NLRP1: variants seen among roughly 807,000 people sequenced by gnomAD.
NLRP1 encodes NACHT, LRR and PYD domains-containing protein 1.
In NLRP1, 94 loss-of-function variants were observed where a neutral mutation model predicts 136.7. The observed-to-expected ratio is 0.69, with a 90% CI of 0.58 to 0.82. The LOEUF is 0.82. Among genes scored for constraint, NLRP1 ranks in the 40% least tolerant of loss-of-function variants. The pLI is 0.00. For synonymous variants in NLRP1, 690 were observed against 725.1 expected, an observed-to-expected ratio of 0.95 and a Z score of 0.78; for missense variants, 1,575 against 1,802.7, an observed-to-expected ratio of 0.87 and a Z score of 2.29.
Position 5,558,949 on chromosome 17 carries a change from T to C in NLRP1, c.1747A>G (p.Lys583Glu). 6.2e-7 allele frequency: 1 copy of C among 1,614,122 alleles called. No homozygotes were observed. The highest frequency in any genetic ancestry group is 8.5e-7 in the Non-Finnish European group (1 of 1,180,014). The change falls in exon 4 of 17, where the codon AAG becomes GAG. Residue 583 changes from lysine (K) to glutamate (E), a missense_variant. By Grantham distance (56) the Lys-to-Glu change is moderately conservative. Transcript: ENST00000572272. ...SLAAEGIWQK[K>E]TLFSPDDLRK... ...AGGTCATCTGGACTGAAAAGGGTCT[T>C]TTTTTGCCAGATGCCCTCAGCAGCC...
intron 8 of NLRP1, among the ~76,000 whole-genome samples, chr17:5,536,374 C>A (rs975848638): frequency 6.6e-6 from 1 of 151,404 alleles, no homozygotes; most frequent in African/African-American, 2.4e-5. Context: ...GTCTTGAACT[C>A]CTGACCTCAT....
At chr17:5,557,541 G>A (rs1310756047) in intron 4 of NLRP1, among the ~76,000 whole-genome samples, 2 of 152,054 alleles carry the variant, frequency 1.3e-5, no homozygotes, top group East Asian at 3.8e-4. Flanking sequence ...TATTTTTTGA[G>A]CTCCTTAAGG....
At chr17:5,579,204 T>C (rs1315208517) in intron 3 of NLRP1, among the ~76,000 whole-genome samples, 2 of 151,252 alleles carry the variant, frequency 1.3e-5, no homozygotes, top group African/African-American at 4.9e-5. Flanking sequence ...GGCACATGCA[T>C]ACACATGTAA....
chr17:5,582,117 G>T, intron 2 of NLRP1, 55 bp from the exon 3 acceptor site: 2 of 1,393,634 alleles, frequency 1.4e-6, no homozygotes, highest in East Asian at 2.4e-5. Context: ...TTTCTTTTAG[G>T]TGCATATATT....
chr17:5,511,713 C>T (rs997891117), downstream of NLRP1, among the ~76,000 whole-genome samples: 5 of 149,838 alleles, frequency 3.3e-5, no homozygotes, highest in South Asian at 1.1e-3. Flanking sequence ...AGCCCCTCCT[C>T]GCGTAGGTCC....
intron 3 of NLRP1, among the ~76,000 whole-genome samples, chr17:5,574,282 A>T (rs1904770504): frequency 6.6e-6 from 1 of 152,230 alleles, no homozygotes. Flanking sequence ...AAACGAACAA[A>T]GCCTCCAAGA....
At chr17:5,540,942 G>C (rs1259439668) in intron 6 of NLRP1, among the ~76,000 whole-genome samples, 5 of 152,208 alleles carry the variant, frequency 3.3e-5, no homozygotes, top group Middle Eastern at 3.2e-3. Flanking sequence ...AGAAGACCCT[G>C]AAGGCAGCCC....
intron 16 of NLRP1, among the ~76,000 whole-genome samples, 157 bp downstream of exon 16, chr17:5,515,316 G>C (rs1237319984): frequency 6.6e-6 from 1 of 152,156 alleles, no homozygotes. Context: ...ATAGGACAAG[G>C]GGGTATGGGG....
intron 5 of NLRP1, among the ~76,000 whole-genome samples, chr17:5,549,275 T>C (rs1428075896): frequency 6.6e-6 from 1 of 151,754 alleles, no homozygotes; most frequent in East Asian, 1.9e-4. Flanking sequence ...CTGAAATCAT[T>C]AGTTTTTTTT....
In NLRP1 at chr17:5,559,791, T is replaced by C; in HGVS notation, c.905A>G (p.Asp302Gly). The C allele has an allele frequency of 6.2e-7, 1 of 1,614,250 alleles. No individual in the cohort carries two copies. The change falls in exon 4 of 17, where the codon GAT becomes GGT. Residue 302 changes from aspartate (D) to glycine (G), a missense_variant. Coordinates refer to ENST00000572272, the MANE Select transcript of NLRP1 (RefSeq NM_033004.4). ...QDPLVKRSWP[D>G]YVEENRGHLI... ...ATGTCCTCGATTCTCCTCCACATAA[T>C]CAGGCCAGCTTCTCTTGACCAGGGG...
chr17:5,566,248 A>T (rs748331066), intron 3 of NLRP1, among the ~76,000 whole-genome samples: 3 of 151,892 alleles, frequency 2.0e-5, no homozygotes, highest in Admixed American at 2.0e-4. Context: ...TCTCTTTAAG[A>T]TGCATCATTA....
Position 5,584,237 on chromosome 17 carries a change from A to T in NLRP1, c.-280T>A. 1 of 514,098 alleles carries T rather than the reference A, an allele frequency of 1.9e-6. No individual in the cohort carries two copies. Among genetic ancestry groups the T allele is most frequent in the African/African-American group, 1.9e-5 (1 of 51,908 alleles). 31.8% of individuals were successfully genotyped at this position (514,098 alleles called of 1,614,324 possible). On this transcript the variant is annotated 5_prime_UTR_variant, in exon 1 of 17. Transcript: ENST00000572272. Reference sequence around the variant, plus strand: ...GGATGGGGTCCAGGGCCAGGCAGGGAGGGTGAGGGTGAGGGGAGATGTGGT... The same window carrying T: ...GGATGGGGTCCAGGGCCAGGCAGGGTGGGTGAGGGTGAGGGGAGATGTGGT...
At chr17:5,542,400 C>A (rs1723754408) in intron 5 of NLRP1, among the ~76,000 whole-genome samples, 1 of 151,986 alleles carries the variant, frequency 6.6e-6, no homozygotes, top group African/African-American at 2.4e-5. Context: ...ACCCCAGGCA[C>A]AGTTCCACCT....
At chr17:5,534,217 A>T (rs1910733563) in intron 8 of NLRP1, among the ~76,000 whole-genome samples, 1 of 152,062 alleles carries the variant, frequency 6.6e-6, no homozygotes, top group Non-Finnish European at 1.5e-5. Context: ...CAAAAATACA[A>T]AAATTAGCTG....
At chr17:5,569,974 A>G (rs1915701389) in intron 3 of NLRP1, among the ~76,000 whole-genome samples, 1 of 152,182 alleles carries the variant, frequency 6.6e-6, no homozygotes, top group Non-Finnish European at 1.5e-5. Flanking sequence ...GCTCAGAACC[A>G]TACAATTCAT....
At chr17:5,506,902 C>CAA (rs199684717) in intron 15 of NLRP1, among the ~76,000 whole-genome samples, 154 of 88,016 alleles carry the variant, frequency 1.7e-3, no homozygotes, top group Middle Eastern at 5.6e-3. Flanking sequence ...AACTCCATCT[C>CAA]AAAAAAAAAA....
At chr17:5,538,064 C>T (rs1234415903) in intron 7 of NLRP1, among the ~76,000 whole-genome samples, 1 of 152,204 alleles carries the variant, frequency 6.6e-6, no homozygotes, top group East Asian at 1.9e-4. Context: ...TTTGGGAGGC[C>T]TGGCTGAGGA....
At chr17:5,517,938 T>G (rs1457355937) in intron 14 of NLRP1, 51 bp from the exon 15 acceptor site, 1 of 1,600,308 alleles carries the variant, frequency 6.2e-7, no homozygotes, top group Non-Finnish European at 8.5e-7. Flanking sequence ...GCATGGAAGG[T>G]CTTTCCCCAC....
downstream of NLRP1, chr17:5,512,347 C>T (rs1907694172): frequency 1.5e-6 from 2 of 1,310,594 alleles, no homozygotes; most frequent in East Asian, 4.5e-5. Flanking sequence ...TTTAGCCTTA[C>T]ACTTGGTTAT....
Sources: gnomAD v4.1 joint callset for allele counts (sites outside exome capture counted in the v4.1 genomes callset) on GRCh38, gnomAD v4.1.1 for gene constraint, MANE v1.5 for transcripts, NCBI Gene and HGNC (gene_info 2026-07-23, HGNC 2026-07-21) for gene names.